Variants in ZXDC observed in about 807,000 individuals in gnomAD.
ZXDC encodes zinc finger protein ZXDC.
In ZXDC, 58 loss-of-function variants were observed where a neutral mutation model predicts 63.6. That is an observed-to-expected ratio of 0.91 (90% CI 0.74 to 1.13). The LOEUF (loss-of-function observed/expected upper bound fraction) is 1.13, where lower values mean the gene tolerates loss of function less well. ZXDC is among the 50% of genes most tolerant of loss of function. The pLI is 0.00. For missense variants in ZXDC, 1,133 were observed against 1,148.9 expected (o/e 0.99, Z 0.20); for synonymous variants, 561 against 496.1 (o/e 1.13, Z -1.74).
Position 126,475,379 on chromosome 3 carries a change from G to GGCGGGGAGCGGCGGCGCCCGCGGTT in ZXDC, c.462_486dup (p.Arg163AsnfsTer100). On this transcript the variant is annotated frameshift_variant, in exon 1 of 10. Transcript: ENST00000389709. LOFTEE classifies it high-confidence loss of function. ...CTGGGGCCGGAGGCCTGGGGCGCGC[G>GGCGGGGAGCGGCGGCGCCCGCGGTT]GCGGGGAGCGGCGGCGCCCGCGGTT... 5 of 1,234,092 alleles carry GGCGGGGAGCGGCGGCGCCCGCGGTT rather than the reference G, an allele frequency of 4.1e-6. No homozygotes were observed. Among genetic ancestry groups the GGCGGGGAGCGGCGGCGCCCGCGGTT allele is most frequent in the Non-Finnish European group, 5.1e-6 (5 of 984,896 alleles). The allele number at this position is 1,234,092 out of a possible 1,614,324, so 76.4% of individuals were successfully genotyped here. A position where few individuals can be genotyped will look rare whatever the true frequency, so the allele number is the denominator to read the frequency against.
rs755866318 is a variant in ZXDC at position 126,471,016 on chromosome 3, G to A, written c.1149C>T (p.Asp383=). 24 of 1,613,840 alleles carry A rather than the reference G, an allele frequency of 1.5e-5. No homozygotes were observed. The highest frequency in any genetic ancestry group is 6.7e-5 in the Admixed American group (4 of 59,998). The part of the protein sequence containing the change: ...SKLLRHRRKH[D]DDRRFTCPVE... ...CAGGGCAGGTAAACCTCCGGTCATC[G>A]TCATGTTTCCTGCCAGACAGAAAAA... The change falls in exon 4 of 10, where the codon GAC becomes GAT. Residue 383 remains aspartate (D), a synonymous_variant. Coordinates refer to ENST00000389709, the MANE Select transcript of ZXDC (RefSeq NM_025112.5).
In ZXDC at chr3:126,472,393, C is replaced by G. The variant is rs1935014439; in HGVS notation, c.908-88G>C. 5 of 1,467,446 alleles carry G rather than the reference C, an allele frequency of 3.4e-6. No individual in the cohort carries two copies. The East Asian group carries it at 9.3e-5, about 27-fold the overall frequency. 90.9% of individuals were successfully genotyped at this position (1,467,446 alleles called of 1,614,324 possible). ...CTAGTCACACCCACCAGACCCTGTT[C>G]ACACTGAAGCAGACAAGGGAAAACA... On this transcript the variant is annotated intron_variant, in intron 1 of 9. Transcript: ENST00000389709.
rs1032646392 is a variant in ZXDC, at chr3:126,451,605, C to T, written c.2212+8048G>A. 86 of 985,398 alleles carry T rather than the reference C, an allele frequency of 8.7e-5. 1 individual carries two copies. The highest frequency in any genetic ancestry group is 8.7e-5 in the African/African-American group (5 of 57,350). 61.0% of individuals were successfully genotyped at this position (985,398 alleles called of 1,614,324 possible). A position where few individuals can be genotyped will look rare whatever the true frequency, so the allele number is the denominator to read the frequency against. On this transcript the variant is annotated intron_variant, in intron 7 of 9. Coordinates refer to ENST00000389709, the MANE Select transcript of ZXDC (RefSeq NM_025112.5). ...AAGGACGCGCTGTGTGCACCAAGGC[C>T]GGCACTGGGCTCCTGTCACCTGGGA...
chr3:126,475,115 T>C lies in ZXDC; in HGVS notation c.751A>G (p.Thr251Ala), dbSNP rs1935135288. The C allele has an allele frequency of 6.2e-7, 1 of 1,610,868 alleles. No individual in the cohort carries two copies. Among genetic ancestry groups the C allele is most frequent in the South Asian group, 1.1e-5 (1 of 90,458 alleles). The change falls in exon 1 of 10, where the codon ACG (threonine) becomes GCG (alanine). Residue 251 changes from threonine to alanine, a missense_variant. Coordinates refer to ENST00000389709, the MANE Select transcript of ZXDC (RefSeq NM_025112.5). ...ATGTGCGCCTTGAGGTTATAGACCG[T>C]AGTGAACTTCTTGCCACAGCCGCCC... ...PVGGCGKKFT[T>A]VYNLKAHMKG...
At chr3:126,446,734 T>A (rs553651115) in intron 7 of ZXDC, among the ~76,000 whole-genome samples, 1 of 152,072 alleles carries the variant, frequency 6.6e-6, no homozygotes, top group African/African-American at 2.4e-5. Flanking sequence ...ACAGCTCTTA[T>A]AAAGATATAA....
At position 126,453,403 on chromosome 3, in the gene ZXDC, C is replaced by CA. The variant is rs146651943; in HGVS notation, c.2212+6249dup. ...TGAATAAGCTGTCACATTTAAGCAT[C>CA]AAAATCTGGATTTGACTCTGTTCTG... On this transcript the variant is annotated intron_variant, in intron 7 of 9. Transcript: ENST00000389709. 3,817 of 985,424 alleles carry CA rather than the reference C, an allele frequency of 3.9e-3. 122 individuals are homozygous for CA. The African/African-American group carries it at 0.061, about 16-fold the overall frequency. The allele number at this position is 985,424 out of a possible 1,614,324, so 61.0% of individuals were successfully genotyped here. A position where few individuals can be genotyped will look rare whatever the true frequency, so the allele number is the denominator to read the frequency against.
In ZXDC at chr3:126,466,309, G is replaced by A; in HGVS notation, c.1287C>T (p.Phe429=). Residue 429 remains phenylalanine, a synonymous_variant, in exon 5 of 10, where the codon TTC becomes TTT. Coordinates refer to ENST00000389709, the MANE Select transcript of ZXDC (RefSeq NM_025112.5). The part of the protein sequence containing the change: ...ECPVEGCCAR[F]SARSSLYIHS... The stretch of plus-strand genomic sequence containing the variant: ...GAATGTACAGACTGCTACGAGCGGA[G>A]AACCTCGCGCAACATCCTGGAACAA... The A allele has an allele frequency of 1.2e-6, 2 of 1,614,196 alleles. No individual in the cohort carries two copies. Among genetic ancestry groups the A allele is most frequent in the Non-Finnish European group, 1.7e-6 (2 of 1,180,048 alleles).
At chr3:126,445,555 A>G (rs1199749234) in intron 7 of ZXDC, among the ~76,000 whole-genome samples, 1 of 151,914 alleles carries the variant, frequency 6.6e-6, no homozygotes, top group Non-Finnish European at 1.5e-5. Context: ...ACACTGCAGT[A>G]GAAGTCTGGT....
intron 7 of ZXDC, chr3:126,450,311 T>TAAAGAAAAC: frequency 2.2e-6 from 1 of 456,562 alleles, no homozygotes; most frequent in African/African-American, 2.0e-5. Flanking sequence ...CTCCTGCCCC[T>TAAAGAAAAC]AAAGAAAACA....
At chr3:126,450,845 G>A (rs1240711162) in intron 7 of ZXDC, among the ~76,000 whole-genome samples, 1 of 152,244 alleles carries the variant, frequency 6.6e-6, no homozygotes, top group African/African-American at 2.4e-5. Context: ...GAGCTGCAGT[G>A]CCAGCACAGC....
intron 7 of ZXDC, chr3:126,458,513 C>T: frequency 3.4e-6 from 3 of 889,062 alleles, no homozygotes; most frequent in Non-Finnish European, 4.0e-6. Flanking sequence ...GCTGGGATTA[C>T]AGGTATGAGC....
chr3:126,451,693 T>A, intron 7 of ZXDC: 1 of 985,296 alleles, frequency 1.0e-6, no homozygotes. Flanking sequence ...CAACCGGCTG[T>A]GTCTCGCTCG....
rs527448646 is a variant in ZXDC, at chr3:126,471,424, C to G, written c.1140-399G>C. ...CATCAGCTGCAATGCCAAAAGGACT[C>G]TCTTAAGCCAACTTGTAAAGACTGT... On this transcript the variant is annotated intron_variant, in intron 3 of 9. Coordinates refer to ENST00000389709, the MANE Select transcript of ZXDC (RefSeq NM_025112.5). 2.0e-5 allele frequency among the ~76,000 whole-genome samples: 3 copies of G among 152,288 alleles called. No homozygotes were observed. The East Asian group carries it at 5.8e-4, about 29-fold the overall frequency.
intron 6 of ZXDC, chr3:126,460,558 G>C (rs994299664): frequency 2.0e-6 from 2 of 985,296 alleles, no homozygotes; most frequent in Non-Finnish European, 2.4e-6. Flanking sequence ...ACACAGTCCT[G>C]GCACCAGGGA....
At chr3:126,462,335 C>T in intron 5 of ZXDC, 115 bp from the exon 6 acceptor site, 11 of 1,444,568 alleles carry the variant, frequency 7.6e-6, no homozygotes, top group Non-Finnish European at 1.0e-5. Flanking sequence ...CTGTCCTCTT[C>T]CCACACCCTG....
intron 7 of ZXDC, 200 bp from the exon 8 acceptor site, chr3:126,442,146 G>T: frequency 3.7e-6 from 2 of 533,902 alleles, no homozygotes; most frequent in East Asian, 7.1e-5. Flanking sequence ...AAAACATCAG[G>T]ATTTTGATTT....
Position 126,472,271 on chromosome 3 carries a change from C to T in ZXDC, c.942G>A (p.Leu314=), listed in dbSNP as rs1346831730. ...TGAAGTGGGCTCGGTTATGGGAAAA[C>T]AGGGCACTCACTGTGATAAATGTCT... ...CEKTFITVSA[L]FSHNRAHFRE... Residue 314 remains leucine (L), a synonymous_variant, in exon 2 of 10, where the codon CTG becomes CTA. Coordinates refer to ENST00000389709, the MANE Select transcript of ZXDC (RefSeq NM_025112.5). The T allele has an allele frequency of 2.5e-6, 4 of 1,612,384 alleles. No homozygotes were observed. The highest frequency in any genetic ancestry group is 4.5e-5 in the East Asian group (2 of 44,840).
chr3:126,442,475 A>G (rs1354777806), intron 7 of ZXDC: 1 of 152,296 alleles, frequency 6.6e-6, no homozygotes, highest in African/African-American at 2.4e-5. Flanking sequence ...AAAAATCTTA[A>G]CACCCATAAC....
intron 7 of ZXDC, chr3:126,452,614 T>C: frequency 1.0e-6 from 1 of 955,310 alleles, no homozygotes; most frequent in Non-Finnish European, 1.2e-6. Context: ...ATTAAATCAT[T>C]CTCAAGCTAT....
Sources: gnomAD v4.1 joint callset for allele counts (sites outside exome capture counted in the v4.1 genomes callset) on GRCh38, gnomAD v4.1.1 for gene constraint, MANE v1.5 for transcripts, NCBI Gene and HGNC (gene_info 2026-07-23, HGNC 2026-07-21) for gene names.